The following THSD7B variants were observed in gnomAD, a reference collection of about 807,000 sequenced individuals.
THSD7B encodes thrombospondin type 1 domain containing 7B, also known as thrombospondin type-1 domain-containing protein 7B.
A neutral mutation model predicts 213.6 loss-of-function variants in THSD7B; 138 were observed. The ratio of observed to expected loss-of-function variants is 0.65; its 90% CI spans 0.56 to 0.74. The LOEUF is 0.74. Ranked by LOEUF, THSD7B falls within the 30% of genes least tolerant of loss-of-function variation. The pLI, the probability that THSD7B is intolerant of heterozygous loss-of-function variation, is 0.00. For synonymous variants in THSD7B, 742 were observed against 687.0 expected (o/e 1.08, Z -1.25); for missense variants, 1,931 against 1,991.5 (o/e 0.97, Z 0.58).
chr2:137,546,465 T>TATATATATA lies in THSD7B; in HGVS notation c.3139-16755_3139-16747dup. ...TATATTATATATATATTATATATAA[T>TATATATATA]ATATATATATATAATATATATATAT... On this transcript the variant is annotated intron_variant, in intron 15 of 27. Coordinates refer to ENST00000409968, the MANE Select transcript of THSD7B (RefSeq NM_001316349.2). 1.0e-4 allele frequency among the ~76,000 whole-genome samples: 2 copies of TATATATATA among 19,340 alleles called. 1 individual carries two copies. Among genetic ancestry groups the TATATATATA allele is most frequent in the South Asian group, 3.8e-3 (2 of 524 alleles). The allele number at this position is 19,340 out of a possible 152,430, so 12.7% of individuals were successfully genotyped here. A position where few individuals can be genotyped will look rare whatever the true frequency, so the allele number is the denominator to read the frequency against.
chr2:136,849,820 A>T (rs1256260265), intron 1 of THSD7B, among the ~76,000 whole-genome samples: 1 of 152,186 alleles, frequency 6.6e-6, no homozygotes, highest in African/African-American at 2.4e-5. Context: ...ACAGAAAGGT[A>T]AAACAAACAA....
At chr2:136,985,275 A>G (rs1349072517) in intron 2 of THSD7B, among the ~76,000 whole-genome samples, 1 of 152,184 alleles carries the variant, frequency 6.6e-6, no homozygotes, top group East Asian at 1.9e-4. Flanking sequence ...CGTTTGAGAA[A>G]TCTTCAAGTC....
At chr2:136,777,358 C>A (rs1681631003) in intron 1 of THSD7B, among the ~76,000 whole-genome samples, 2 of 152,148 alleles carry the variant, frequency 1.3e-5, no homozygotes, top group South Asian at 4.1e-4. Flanking sequence ...ATCTCTTGCC[C>A]TCCTTTCAAA....
At chr2:137,064,493 C>T (rs1687339177) in intron 3 of THSD7B, among the ~76,000 whole-genome samples, 1 of 151,940 alleles carries the variant, frequency 6.6e-6, no homozygotes, top group Non-Finnish European at 1.5e-5. Flanking sequence ...CTTTGCTGTA[C>T]AGAGGCTTTT....
At chr2:136,908,979 G>A (rs759066061) in intron 2 of THSD7B, among the ~76,000 whole-genome samples, 12 of 152,036 alleles carry the variant, frequency 7.9e-5, no homozygotes, top group African/African-American at 1.4e-4. Context: ...TCAGGAGTTC[G>A]AGACCAGCCT....
At chr2:136,888,099 A>G (rs1378637894) in intron 2 of THSD7B, among the ~76,000 whole-genome samples, 1 of 152,172 alleles carries the variant, frequency 6.6e-6, no homozygotes, top group African/African-American at 2.4e-5. Context: ...TAGACATACA[A>G]AAAAGAGGGG....
chr2:137,638,458 G>A (rs1682875939), intron 20 of THSD7B, among the ~76,000 whole-genome samples: 5 of 152,130 alleles, frequency 3.3e-5, no homozygotes, highest in Admixed American at 3.3e-4. Flanking sequence ...GGAACTGTAA[G>A]TCCAATTAAA....
intron 12 of THSD7B, among the ~76,000 whole-genome samples, chr2:137,328,490 T>G (rs2104889202): frequency 6.6e-6 from 1 of 152,374 alleles, no homozygotes; most frequent in Admixed American, 6.5e-5. Flanking sequence ...AAACATTTTT[T>G]TTCTCAAAAC....
chr2:136,901,767 C>G lies in THSD7B; in HGVS notation c.139+19450C>G, dbSNP rs564665009. Among the ~76,000 whole-genome samples, 7 of 152,290 alleles carry G rather than the reference C, an allele frequency of 4.6e-5. No individual in the cohort carries two copies. In the South Asian group the frequency reaches 1.4e-3, roughly 32 times the overall value. ...CCAGGATTTCTACAAAGCAAGGATA[C>G]TTTTTAAAAACTTTTCCTTGAAAAA... On this transcript the variant is annotated intron_variant, in intron 2 of 27. Coordinates refer to ENST00000409968, the MANE Select transcript of THSD7B (RefSeq NM_001316349.2).
chr2:137,199,852 G>GA (rs1404699956), intron 7 of THSD7B, among the ~76,000 whole-genome samples: 1 of 152,090 alleles, frequency 6.6e-6, no homozygotes, highest in Non-Finnish European at 1.5e-5. Context: ...TAGAGAAAAT[G>GA]AAAAAGCTGA....
Position 137,656,849 on chromosome 2 carries a change from A to G in THSD7B, c.4159A>G (p.Ile1387Val), listed in dbSNP as rs759489523. 1 of 1,614,034 alleles carries G rather than the reference A, an allele frequency of 6.2e-7. No individual in the cohort carries two copies. The highest frequency in any genetic ancestry group is 8.5e-7 in the Non-Finnish European group (1 of 1,179,898). Residue 1387 changes from isoleucine (I) to valine (V), a missense_variant, in exon 23 of 28, where the codon ATT (isoleucine) becomes GTT (valine). Ile to Val is a conservative substitution (Grantham distance 29, BLOSUM62 3). Coordinates refer to ENST00000409968, the MANE Select transcript of THSD7B (RefSeq NM_001316349.2). ...SEWSTCELTCIDGRSFETVGR... is the reference protein window; with the variant it reads ...SEWSTCELTCVDGRSFETVGR... ...GTGGAGCACATGTGAATTAACCTGC[A>G]TTGATGGAAGAAGCTTTGAGACTGT...
chr2:137,317,824 T>C (rs1031692488), intron 12 of THSD7B, among the ~76,000 whole-genome samples: 1 of 152,126 alleles, frequency 6.6e-6, no homozygotes, highest in Non-Finnish European at 1.5e-5. Flanking sequence ...AGACTGAGAC[T>C]GAGGCCAGAG....
chr2:137,280,972 C>T (rs1175755827), intron 12 of THSD7B, among the ~76,000 whole-genome samples: 3 of 152,052 alleles, frequency 2.0e-5, no homozygotes, highest in Non-Finnish European at 4.4e-5. Flanking sequence ...ACTTTCTTGT[C>T]ATTTATCAGC....
chr2:137,616,946 C>T (rs1446121598), intron 18 of THSD7B, among the ~76,000 whole-genome samples: 1 of 152,164 alleles, frequency 6.6e-6, no homozygotes, highest in Non-Finnish European at 1.5e-5. Flanking sequence ...AAATATGGAA[C>T]CATGTTAAGT....
intron 14 of THSD7B, among the ~76,000 whole-genome samples, chr2:137,413,099 C>T (rs1261917065): frequency 6.6e-6 from 1 of 151,778 alleles, no homozygotes; most frequent in African/African-American, 2.4e-5. Flanking sequence ...TAAGATATAC[C>T]CATATCATTA....
intron 2 of THSD7B, among the ~76,000 whole-genome samples, chr2:136,989,199 G>A (rs1237162615): frequency 1.3e-5 from 2 of 152,106 alleles, no homozygotes; most frequent in African/African-American, 2.4e-5. Flanking sequence ...AGAAGGAGAG[G>A]GGTATGAGTT....
intron 17 of THSD7B, among the ~76,000 whole-genome samples, chr2:137,601,373 C>A (rs1254110729): frequency 6.6e-6 from 1 of 152,230 alleles, no homozygotes; most frequent in Admixed American, 6.5e-5. Context: ...ATCTTTTATA[C>A]CATATGTTAC....
intron 12 of THSD7B, among the ~76,000 whole-genome samples, chr2:137,404,239 G>T (rs184446511): frequency 2.0e-5 from 3 of 151,408 alleles, no homozygotes; most frequent in Admixed American, 6.6e-5. Flanking sequence ...TAAAAAAGCT[G>T]TAAAGAACTA....
intron 15 of THSD7B, among the ~76,000 whole-genome samples, chr2:137,535,227 C>T (rs1680481991): frequency 6.6e-6 from 1 of 151,504 alleles, no homozygotes; most frequent in South Asian, 2.1e-4. Flanking sequence ...TCTATCCATT[C>T]ACATTGACAC....
Sources: gnomAD v4.1 joint callset for allele counts (sites outside exome capture counted in the v4.1 genomes callset) on GRCh38, gnomAD v4.1.1 for gene constraint, MANE v1.5 for transcripts, NCBI Gene and HGNC (gene_info 2026-07-23, HGNC 2026-07-21) for gene names.